SYT1: variants seen among roughly 807,000 people sequenced by gnomAD.
The protein encoded by SYT1 is synaptotagmin 1.
A neutral mutation model predicts 44.8 loss-of-function variants in SYT1; 8 were observed. That is an observed-to-expected ratio of 0.18 (90% CI 0.10 to 0.32). The LOEUF is 0.32. Ranked by LOEUF, SYT1 falls within the 10% of genes least tolerant of loss-of-function variation. The probability of loss-of-function intolerance (pLI) is 1.00; values close to 1 mark genes in which losing one functional copy is unlikely to be tolerated. For missense variants in SYT1, 286 were observed against 509.3 expected, an observed-to-expected ratio of 0.56 and a Z score of 4.22; for synonymous variants, 154 against 188.8, an observed-to-expected ratio of 0.82 and a Z score of 1.51.
At chr12:79,296,591 C>G (rs527771935) in intron 7 of SYT1, among the ~76,000 whole-genome samples, 33 of 152,138 alleles carry the variant, frequency 2.2e-4, no homozygotes, top group African/African-American at 7.7e-4. Flanking sequence ...TGTTACAATC[C>G]CAGGATTAAG....
intron 4 of SYT1, among the ~76,000 whole-genome samples, chr12:79,256,772 A>G (rs1038264305): frequency 2.6e-4 from 40 of 152,326 alleles, no homozygotes; most frequent in African/African-American, 9.4e-4. Context: ...CATCTACTCA[A>G]GTTAATTAAT....
chr12:79,365,463 T>C (rs1883502526), intron 9 of SYT1, among the ~76,000 whole-genome samples: 1 of 152,016 alleles, frequency 6.6e-6, no homozygotes, highest in South Asian at 2.1e-4. Flanking sequence ...GGGAACAATA[T>C]AGTAAAGATG....
intron 3 of SYT1, among the ~76,000 whole-genome samples, chr12:79,116,315 T>A (rs1017107929): frequency 6.6e-6 from 1 of 152,164 alleles, no homozygotes; most frequent in African/African-American, 2.4e-5. Context: ...CGAAGACATT[T>A]AGGATTGGTA....
intron 9 of SYT1, among the ~76,000 whole-genome samples, chr12:79,419,583 A>G (rs1403633276): frequency 1.3e-5 from 2 of 152,198 alleles, no homozygotes; most frequent in African/African-American, 2.4e-5. Flanking sequence ...CAAGTGCTTC[A>G]TACATTTTAG....
intron 2 of SYT1, among the ~76,000 whole-genome samples, chr12:78,993,058 T>TA (rs1429987727): frequency 2.0e-5 from 3 of 152,202 alleles, no homozygotes; most frequent in Non-Finnish European, 4.4e-5. Flanking sequence ...TGTATGCTAA[T>TA]AAAATCCCTG....
chr12:79,129,749 A>G (rs12310302), intron 3 of SYT1, among the ~76,000 whole-genome samples: 17,358 of 152,184 alleles, frequency 0.11, 1,061 homozygotes, highest in African/African-American at 0.13. Context: ...ACCTTTTATC[A>G]TCAAACCAGA....
chr12:79,067,592 C>G (rs1875962086), intron 3 of SYT1, among the ~76,000 whole-genome samples: 2 of 152,040 alleles, frequency 1.3e-5, no homozygotes, highest in Admixed American at 1.3e-4. Context: ...TTTACATTAA[C>G]TTTGAAACAA....
At chr12:79,383,443 T>C (rs1218514532) in intron 9 of SYT1, among the ~76,000 whole-genome samples, 5 of 152,206 alleles carry the variant, frequency 3.3e-5, no homozygotes, top group Non-Finnish European at 7.3e-5. Flanking sequence ...AATATTTTCA[T>C]GCTGTTCAAT....
At chr12:78,888,664 C>T (rs941166016) in intron 1 of SYT1, among the ~76,000 whole-genome samples, 1 of 151,886 alleles carries the variant, frequency 6.6e-6, no homozygotes, top group African/African-American at 2.4e-5. Context: ...CTTCTAGTCA[C>T]CTTCTGAACT....
At chr12:79,348,348 C>T (rs560648477) in intron 8 of SYT1, among the ~76,000 whole-genome samples, 2 of 152,260 alleles carry the variant, frequency 1.3e-5, no homozygotes, top group Admixed American at 1.3e-4. Flanking sequence ...TTGCCTGGGA[C>T]TGAGGGGTTT....
intron 1 of SYT1, chr12:78,976,558 T>C (rs1868851910): frequency 6.6e-6 from 1 of 152,184 alleles, no homozygotes; most frequent in Non-Finnish European, 1.5e-5. Context: ...ATTCAGAATA[T>C]AATGAAAGCT....
intron 1 of SYT1, among the ~76,000 whole-genome samples, chr12:78,943,868 A>C (rs1398152526): frequency 6.6e-6 from 1 of 152,196 alleles, no homozygotes; most frequent in Non-Finnish European, 1.5e-5. Flanking sequence ...TGGCATTGTT[A>C]CTCACCATTG....
intron 1 of SYT1, among the ~76,000 whole-genome samples, chr12:78,973,928 A>T (rs1592621222): frequency 2.5e-5 from 1 of 40,724 alleles, no homozygotes; most frequent in African/African-American, 1.1e-4. Flanking sequence ...AAAAAAAAAA[A>T]AAAAAAAAAA....
chr12:79,395,208 T>G (rs564694581), intron 9 of SYT1, among the ~76,000 whole-genome samples: 1 of 152,110 alleles, frequency 6.6e-6, no homozygotes, highest in African/African-American at 2.4e-5. Flanking sequence ...TCAACTTTTT[T>G]GGTTTTTTGG....
chr12:79,433,437 A>G (rs937989614), intron 9 of SYT1, among the ~76,000 whole-genome samples: 2 of 152,252 alleles, frequency 1.3e-5, no homozygotes, highest in African/African-American at 4.8e-5. Context: ...CAGCAATGTT[A>G]CCAAGTAACA....
chr12:78,893,512 A>T (rs904403363), intron 1 of SYT1, among the ~76,000 whole-genome samples: 1 of 151,790 alleles, frequency 6.6e-6, no homozygotes, highest in Non-Finnish European at 1.5e-5. Context: ...CTAAAAAAAT[A>T]AAATGCTCAC....
intron 1 of SYT1, among the ~76,000 whole-genome samples, chr12:78,892,517 C>T (rs1875114865): frequency 6.6e-6 from 1 of 151,442 alleles, no homozygotes; most frequent in African/African-American, 2.4e-5. Context: ...TTTCCCTTTC[C>T]CCACCTCTCT....
intron 3 of SYT1, among the ~76,000 whole-genome samples, chr12:79,051,221 T>A (rs893150160): frequency 6.6e-6 from 1 of 151,700 alleles, no homozygotes. Context: ...ATTGTTTGTC[T>A]AATCTCTAGT....
chr12:79,044,415 G>A (rs929869267), intron 2 of SYT1, among the ~76,000 whole-genome samples: 31 of 151,348 alleles, frequency 2.0e-4, no homozygotes, highest in Admixed American at 5.9e-4. Flanking sequence ...CCAGTTGATC[G>A]CATTGGCTCC....
Sources: allele counts gnomAD v4.1 joint callset (sites outside exome capture counted in the v4.1 genomes callset), GRCh38; gene constraint gnomAD v4.1.1; transcripts MANE v1.5; gene names NCBI Gene and HGNC (gene_info 2026-07-23, HGNC 2026-07-21).